TRIM66: variants seen among roughly 807,000 people sequenced by gnomAD.
The protein encoded by TRIM66 is tripartite motif-containing protein 66.
A neutral mutation model predicts 148.2 loss-of-function variants in TRIM66; 99 were observed. The observed-to-expected ratio is 0.67, with a 90% CI of 0.57 to 0.79. The LOEUF (loss-of-function observed/expected upper bound fraction) is 0.79, where lower values mean the gene tolerates loss of function less well. TRIM66 is among the 30% of genes least tolerant of loss of function. The pLI, the probability that TRIM66 is intolerant of heterozygous loss-of-function variation, is 0.00. For missense variants in TRIM66, 1,666 were observed against 1,697.9 expected, an observed-to-expected ratio of 0.98 and a Z score of 0.33; for synonymous variants, 616 against 635.9, an observed-to-expected ratio of 0.97 and a Z score of 0.47.
chr11:8,640,250 G>A lies in TRIM66; in HGVS notation c.2125C>T (p.Gln709Ter), dbSNP rs1190973092. ...IVRQPAPVQS[Q>*]SQEETLQATD... is the part of the protein sequence containing the mutation. Reference sequence around the variant, plus strand: ...ACCTGCAGGGTCTCCTCCTGGCTCTGGGACTGGACAGGTGCTGGCTGCCTC... The same window carrying A: ...ACCTGCAGGGTCTCCTCCTGGCTCTAGGACTGGACAGGTGCTGGCTGCCTC... Residue 709 changes from glutamine (Q) to a stop codon, truncating the protein, a stop_gained, in exon 14 of 25, where the codon CAG becomes TAG. Coordinates refer to ENST00000646038, the MANE Select transcript of TRIM66 (RefSeq NM_001388022.1). LOFTEE classifies it high-confidence loss of function. 1 of 1,551,584 alleles carries A rather than the reference G, an allele frequency of 6.4e-7. No individual in the cohort carries two copies. The highest frequency in any genetic ancestry group is 8.7e-7 in the Non-Finnish European group (1 of 1,146,956).
intron 19 of TRIM66, 41 bp from the exon 20 acceptor site, chr11:8,621,362 C>G: frequency 6.5e-7 from 1 of 1,527,250 alleles, no homozygotes; most frequent in Non-Finnish European, 8.8e-7. Flanking sequence ...AGCACAGAAC[C>G]AACAAGCTCT....
intron 6 of TRIM66, among the ~76,000 whole-genome samples, chr11:8,665,189 C>T (rs2133423396): frequency 6.6e-6 from 1 of 152,142 alleles, no homozygotes; most frequent in Middle Eastern, 3.4e-3. Context: ...TGTGTTCCTA[C>T]TCTGCTGGAC....
chr11:8,675,220 T>C (rs892342578), intron 3 of TRIM66, among the ~76,000 whole-genome samples: 8 of 152,236 alleles, frequency 5.3e-5, no homozygotes, highest in African/African-American at 1.4e-4. Flanking sequence ...AGAAAATTCT[T>C]TTAAGCATTG....
At chr11:8,661,155 T>G in intron 6 of TRIM66, among the ~76,000 whole-genome samples, 1 of 152,090 alleles carries the variant, frequency 6.6e-6, no homozygotes, top group African/African-American at 2.4e-5. Flanking sequence ...TAGGAAAGAA[T>G]AGGGAATAAA....
chr11:8,631,717 T>C (rs2035415343), intron 15 of TRIM66, among the ~76,000 whole-genome samples: 1 of 152,226 alleles, frequency 6.6e-6, no homozygotes, highest in Admixed American at 6.5e-5. Context: ...CTTACTACTA[T>C]AATGTAGCTA....
At chr11:8,647,112 A>G (rs1048898075) in intron 10 of TRIM66, among the ~76,000 whole-genome samples, 7 of 150,240 alleles carry the variant, frequency 4.7e-5, no homozygotes, top group Non-Finnish European at 7.4e-5. Context: ...GTTTATTATA[A>G]ACATATAATA....
intron 3 of TRIM66, among the ~76,000 whole-genome samples, chr11:8,676,207 AT>A (rs1260979223): frequency 1.3e-5 from 2 of 152,072 alleles, no homozygotes; most frequent in East Asian, 3.8e-4. Context: ...CCACTTCATC[AT>A]GGATGGACAT....
intron 6 of TRIM66, among the ~76,000 whole-genome samples, chr11:8,656,737 G>A (rs1490639906): frequency 1.3e-5 from 2 of 152,182 alleles, no homozygotes; most frequent in Non-Finnish European, 2.9e-5. Flanking sequence ...CCCTTCCCCT[G>A]TGGCTGAGCC....
In TRIM66 at chr11:8,617,059, A is replaced by T. The variant is rs1162576775; in HGVS notation, c.*885T>A. 6.6e-6 allele frequency: 1 copy of T among 152,182 alleles called. No homozygotes were observed. Among genetic ancestry groups the T allele is most frequent in the Admixed American group, 6.5e-5 (1 of 15,274 alleles). The allele number at this position is 152,182 out of a possible 1,614,324, so 9.4% of individuals were successfully genotyped here. ...TTCACAAGCAGAACTCACGATCCAT[A>T]CCTCTGAATGAGGATGATGAAGGGT... On this transcript the variant is annotated 3_prime_UTR_variant, in exon 25 of 25. Transcript: ENST00000646038.
intron 6 of TRIM66, among the ~76,000 whole-genome samples, chr11:8,668,698 G>T (rs1592198115): frequency 6.6e-6 from 1 of 151,842 alleles, no homozygotes; most frequent in African/African-American, 2.4e-5. Context: ...CCATTGTCCT[G>T]CCTCAGCCTC....
At chr11:8,682,832 C>T (rs572423850), upstream of TRIM66, 13 of 1,610,790 alleles carry the variant, frequency 8.1e-6, no homozygotes, top group Admixed American at 8.4e-5. Flanking sequence ...TGTTTCGTTT[C>T]TTGCCTCCTC....
chr11:8,664,215 T>A (rs754277048), intron 6 of TRIM66, among the ~76,000 whole-genome samples: 2 of 152,258 alleles, frequency 1.3e-5, no homozygotes, highest in Non-Finnish European at 2.9e-5. Flanking sequence ...GTATCTATAC[T>A]TCAAAACATC....
Position 8,640,236 on chromosome 11 carries a change from C to T in TRIM66, c.2139G>A (p.Glu713=). 1 of 1,551,224 alleles carries T rather than the reference C, an allele frequency of 6.4e-7. No individual in the cohort carries two copies. Among genetic ancestry groups the T allele is most frequent in the East Asian group, 2.4e-5 (1 of 40,890 alleles). The change falls in exon 14 of 25, where the codon GAG becomes GAA. Residue 713 remains glutamate (E), a synonymous_variant. Transcript: ENST00000646038. ...PAPVQSQSQE[E]TLQATDEPPA... is the part of the protein sequence containing the mutation. Reference sequence around the variant, plus strand: ...CCACCCTGACGCTTACCTGCAGGGTCTCCTCCTGGCTCTGGGACTGGACAG... The same window carrying T: ...CCACCCTGACGCTTACCTGCAGGGTTTCCTCCTGGCTCTGGGACTGGACAG...
At chr11:8,681,889 A>G (rs1290425837) in intron 1 of TRIM66, among the ~76,000 whole-genome samples, 3 of 152,056 alleles carry the variant, frequency 2.0e-5, no homozygotes, top group South Asian at 2.1e-4. Flanking sequence ...TGTTATGTAG[A>G]TTCTGGAGAA....
Position 8,617,712 on chromosome 11 carries a change from G to A in TRIM66, c.*232C>T, listed in dbSNP as rs1490154947. 6 of 531,878 alleles carry A rather than the reference G, an allele frequency of 1.1e-5. No individual in the cohort carries two copies. Among genetic ancestry groups the A allele is most frequent in the Non-Finnish European group, 2.0e-5 (6 of 299,824 alleles). 32.9% of individuals were successfully genotyped at this position (531,878 alleles called of 1,614,324 possible). On this transcript the variant is annotated 3_prime_UTR_variant, in exon 25 of 25. Coordinates refer to ENST00000646038, the MANE Select transcript of TRIM66 (RefSeq NM_001388022.1). ...TGGAGCCTATACATCTGATTACTCTGGTAATAATAAATACCTTCCTCTTTC... is the reference window on the plus strand; with the variant it reads ...TGGAGCCTATACATCTGATTACTCTAGTAATAATAAATACCTTCCTCTTTC...
intron 6 of TRIM66, among the ~76,000 whole-genome samples, chr11:8,660,914 C>T (rs1291033069): frequency 6.6e-6 from 1 of 152,148 alleles, no homozygotes; most frequent in Non-Finnish European, 1.5e-5. Flanking sequence ...AAGGCTACAA[C>T]ATATAGAGAA....
intron 7 of TRIM66, among the ~76,000 whole-genome samples, chr11:8,650,503 G>A (rs527909843): frequency 6.6e-6 from 1 of 151,198 alleles, no homozygotes; most frequent in East Asian, 2.0e-4. Context: ...GAGGGAGGGA[G>A]GGAGGAGGAG....
chr11:8,621,534 G>A, intron 19 of TRIM66, 111 bp downstream of exon 19: 4 of 1,381,744 alleles, frequency 2.9e-6, no homozygotes, highest in Non-Finnish European at 3.8e-6. Flanking sequence ...CCAAGCTGCA[G>A]CCCCATCAGA....
rs959558422 is a variant in TRIM66 at position 8,643,069 on chromosome 11, G to A, written c.1162C>T (p.Pro388Ser). ...TCCCAGGTGAATCTGATACTCCAAGGGGAGCCAGGATCTGTGTTACAACTT... is the reference window on the plus strand; with the variant it reads ...TCCCAGGTGAATCTGATACTCCAAGAGGAGCCAGGATCTGTGTTACAACTT... ...ETSCNTDPGS[P>S]WSIRFTWEPN... The change falls in exon 13 of 25, where the codon CCT becomes TCT. Residue 388 changes from proline to serine, a missense_variant. Pro to Ser is a moderately conservative substitution (Grantham distance 74). This residue lies in a region of TRIM66 where 1,431 missense variants were observed against 1,412.4 expected (regional missense o/e 1.01). Transcript: ENST00000646038. 1 of 1,551,216 alleles carries A rather than the reference G, an allele frequency of 6.4e-7. No homozygotes were observed. The highest frequency in any genetic ancestry group is 8.7e-7 in the Non-Finnish European group (1 of 1,146,842).
Sources: allele counts gnomAD v4.1 joint callset (sites outside exome capture counted in the v4.1 genomes callset), GRCh38; gene constraint gnomAD v4.1.1; regional missense constraint gnomAD v4.1.1; transcripts MANE v1.5; gene names NCBI Gene and HGNC (gene_info 2026-07-23, HGNC 2026-07-21).